The following MYO1F variants were observed in gnomAD, a reference collection of about 807,000 sequenced individuals.
The protein encoded by MYO1F is myosin IF.
In MYO1F, 60 loss-of-function variants were observed where a neutral mutation model predicts 146.6. The observed-to-expected ratio is 0.41, with a 90% CI of 0.33 to 0.51. MYO1F has a LOEUF of 0.51. MYO1F is among the 20% of genes least tolerant of loss of function. MYO1F has a pLI of 0.25. For synonymous variants in MYO1F, 602 were observed against 602.1 expected (o/e 1.00, Z 0.00); for missense variants, 1,274 against 1,534.3 (o/e 0.83, Z 2.83).
chr19:8,542,699 C>A (rs1599951023), intron 14 of MYO1F, among the ~76,000 whole-genome samples: 2 of 151,782 alleles, frequency 1.3e-5, no homozygotes, highest in South Asian at 4.2e-4. Flanking sequence ...CTTCCGGGAT[C>A]AAGTGATTCT....
At chr19:8,544,000 T>TGGTGGTGGTGGC (rs1973208128) in intron 14 of MYO1F, 18 of 154,838 alleles carry the variant, frequency 1.2e-4, no homozygotes, top group Non-Finnish European at 1.5e-4. Flanking sequence ...GTGGTGCTGG[T>TGGTGGTGGTGGC]GGTGGCGGTG....
intron 4 of MYO1F, among the ~76,000 whole-genome samples, chr19:8,553,920 T>TCTCTCTCTCTCTCG (rs1329711097): frequency 6.8e-6 from 1 of 147,862 alleles, no homozygotes; most frequent in Non-Finnish European, 1.5e-5. Flanking sequence ...TCTCTCTCTC[T>TCTCTCTCTCTCTCG]CTCGCTCTCT....
At chr19:8,521,738 C>T (rs904182325) in intron 27 of MYO1F, 134 bp from the exon 28 acceptor site, 2 of 788,698 alleles carry the variant, frequency 2.5e-6, no homozygotes, top group African/African-American at 3.4e-5. Flanking sequence ...CTTAAGCCAT[C>T]CTCCTGCCTC....
rs1340517521 is a variant in MYO1F, at chr19:8,551,282, C to T, written c.771+458G>A. 4 of 246,630 alleles carry T rather than the reference C, an allele frequency of 1.6e-5. No homozygotes were observed. The Admixed American group carries it at 2.1e-4, about 13-fold the overall frequency. 15.3% of individuals were successfully genotyped at this position (246,630 alleles called of 1,614,324 possible). A position where few individuals can be genotyped will look rare whatever the true frequency, so the allele number is the denominator to read the frequency against. On this transcript the variant is annotated intron_variant, in intron 8 of 27. Coordinates refer to ENST00000644032, the MANE Select transcript of MYO1F (RefSeq NM_012335.4). ...GGCCAGGCTGGTCTTGAACTCCTGA[C>T]CTCAGGTGATCTACCTGCCTCGGCC... is the stretch of plus-strand genomic sequence containing the variant.
intron 19 of MYO1F, among the ~76,000 whole-genome samples, chr19:8,532,903 T>TATATATATATATACAC (rs1972545379): frequency 8.8e-6 from 1 of 113,164 alleles, no homozygotes; most frequent in African/African-American, 3.3e-5. Context: ...AAAAAAAAAA[T>TATATATATATATACAC]ACACACACAC....
At chr19:8,536,162 C>A in intron 19 of MYO1F, 90 bp downstream of exon 19, 2 of 1,436,568 alleles carry the variant, frequency 1.4e-6, no homozygotes, top group East Asian at 2.3e-5. Context: ...TCTCTGTCTC[C>A]CTCTGTCTCT....
chr19:8,573,976 A>T (rs2042156579), intron 1 of MYO1F, among the ~76,000 whole-genome samples: 1 of 152,204 alleles, frequency 6.6e-6, no homozygotes, highest in Admixed American at 6.5e-5. Flanking sequence ...TTGAACCAGC[A>T]CCACCATTGC....
At chr19:8,568,307 C>T (rs893092606) in intron 1 of MYO1F, among the ~76,000 whole-genome samples, 4 of 150,948 alleles carry the variant, frequency 2.6e-5, no homozygotes, top group African/African-American at 9.8e-5. Context: ...CCCGTAGTCC[C>T]AGCTCCTCGG....
Position 8,554,743 on chromosome 19 carries a change from T to C in MYO1F, c.142A>G (p.Thr48Ala), listed in dbSNP as rs1317264138. 6.2e-7 allele frequency: 1 copy of C among 1,613,662 alleles called. No individual in the cohort carries two copies. The highest frequency in any genetic ancestry group is 8.5e-7 in the Non-Finnish European group (1 of 1,179,894). ...RKRFMDDYIF[T>A]YIGSVLISVN... ...GAGATGAGCACAGAGCCGATGTAGG[T>C]CTGAGGGATGGTTAAGGGTCGTGTG... The change falls in exon 3 of 28, where the codon ACC becomes GCC. Residue 48 changes from threonine to alanine, a missense_variant and splice_region_variant. Thr to Ala is a moderately conservative substitution (Grantham distance 58). Coordinates refer to ENST00000644032, the MANE Select transcript of MYO1F (RefSeq NM_012335.4).
chr19:8,576,953 G>A (rs112197280), intron 1 of MYO1F: 3 of 456,034 alleles, frequency 6.6e-6, no homozygotes, highest in Admixed American at 3.6e-5. Flanking sequence ...ACAGGGAGAC[G>A]AGAGACTGGG....
chr19:8,551,951 C>G (rs773136789), intron 7 of MYO1F, 77 bp from the exon 8 acceptor site: 3 of 1,613,668 alleles, frequency 1.9e-6, no homozygotes, highest in East Asian at 2.2e-5. Context: ...CCCTGCCATG[C>G]CCCCCTAGGT....
At chr19:8,532,997 C>A (rs113331627) in intron 19 of MYO1F, among the ~76,000 whole-genome samples, 2,608 of 150,992 alleles carry the variant, frequency 0.017, 32 homozygotes, top group African/African-American at 0.036. Context: ...GAGTGCTTTC[C>A]CAAGTCCATA....
At chr19:8,567,774 G>A (rs557557399) in intron 1 of MYO1F, among the ~76,000 whole-genome samples, 52 of 152,354 alleles carry the variant, frequency 3.4e-4, no homozygotes, top group Non-Finnish European at 6.8e-4. Flanking sequence ...CCTTCCCCAG[G>A]CTGGTCTGTA....
chr19:8,567,418 G>A (rs2042024919), intron 1 of MYO1F, among the ~76,000 whole-genome samples: 1 of 151,922 alleles, frequency 6.6e-6, no homozygotes, highest in Admixed American at 6.6e-5. Context: ...ACCCAGGCTG[G>A]AGTGCAGTGG....
At position 8,577,300 on chromosome 19, in the gene MYO1F, G is replaced by C. The variant is rs782052952; in HGVS notation, c.3+7C>G. The C allele has an allele frequency of 1.2e-6, 2 of 1,613,812 alleles. No individual in the cohort carries two copies. Among genetic ancestry groups the C allele is most frequent in the Non-Finnish European group, 1.7e-6 (2 of 1,179,836 alleles). ...CTTCTTCCAGATCCCACCCTTGAAGGACTTACCATGGTGGGGGGCTGGTGT... is the reference window on the plus strand; with the variant it reads ...CTTCTTCCAGATCCCACCCTTGAAGCACTTACCATGGTGGGGGGCTGGTGT... On this transcript the variant is annotated splice_region_variant and intron_variant, in intron 1 of 27. Transcript: ENST00000644032. This position sits in a 1 kb window ranked among gnomAD's most constrained non-coding sequence, Gnocchi z 4.3.
intron 1 of MYO1F, among the ~76,000 whole-genome samples, chr19:8,561,389 CTTT>C (rs1279345598): frequency 0.016 from 1,581 of 100,914 alleles, 21 homozygotes; most frequent in South Asian, 0.065. Context: ...TTCCCCCCTT[CTTT>C]CCTTCCTTCC....
chr19:8,521,582 G>A lies in MYO1F; in HGVS notation c.3243C>T (p.Gly1081=). Residue 1081 remains glycine, a synonymous_variant, in exon 28 of 28, where the codon GGC becomes GGT. Coordinates refer to ENST00000644032, the MANE Select transcript of MYO1F (RefSeq NM_012335.4). ...LMEDPSGWWK[G]RLHGQEGLFP... is the part of the protein sequence containing the mutation. ...AAAGGCCCTCCTGGCCGTGAAGCCG[G>A]CCCTTCCACCAGCCCGAGGGATCTG... 1 of 1,614,124 alleles carries A rather than the reference G, an allele frequency of 6.2e-7. No homozygotes were observed. Among genetic ancestry groups the A allele is most frequent in the East Asian group, 2.2e-5 (1 of 44,876 alleles).
At position 8,544,197 on chromosome 19, in the gene MYO1F, C is replaced by T. The variant is rs1238035980; in HGVS notation, c.1524+100G>A. 4 of 1,290,484 alleles carry T rather than the reference C, an allele frequency of 3.1e-6. No individual in the cohort carries two copies. The East Asian group carries it at 7.0e-5, about 23-fold the overall frequency. 79.9% of individuals were successfully genotyped at this position (1,290,484 alleles called of 1,614,324 possible). A position where few individuals can be genotyped will look rare whatever the true frequency, so the allele number is the denominator to read the frequency against. ...CTACAGCCCTGGATAAGGGTCCTAGCAGGCTCTTTCCAGCCTGGGTGCTGG... is the reference window on the plus strand; with the variant it reads ...CTACAGCCCTGGATAAGGGTCCTAGTAGGCTCTTTCCAGCCTGGGTGCTGG... On this transcript the variant is annotated intron_variant, in intron 14 of 27. Coordinates refer to ENST00000644032, the MANE Select transcript of MYO1F (RefSeq NM_012335.4).
At chr19:8,546,056 CTTTTTTTTTTTTT>C (rs58638075) in intron 12 of MYO1F, among the ~76,000 whole-genome samples, 8 of 94,938 alleles carry the variant, frequency 8.4e-5, no homozygotes, top group Admixed American at 5.0e-4. Flanking sequence ...TATTTTGACT[CTTTTTTTTTTTTT>C]TTTTTTTTTT....
Sources: allele counts gnomAD v4.1 joint callset (sites outside exome capture counted in the v4.1 genomes callset), GRCh38; gene constraint gnomAD v4.1.1; non-coding constraint Gnocchi (gnomAD v3.1); transcripts MANE v1.5; gene names NCBI Gene and HGNC (gene_info 2026-07-23, HGNC 2026-07-21).